Variants in EIF4G3 observed in about 807,000 individuals in gnomAD.
EIF4G3 encodes the protein eIF-4-gamma 3.
Under a neutral mutation model 186.4 loss-of-function variants are expected in EIF4G3, and 34 were observed. The observed-to-expected ratio is 0.18, with a 90% CI of 0.14 to 0.24. The LOEUF (loss-of-function observed/expected upper bound fraction) is 0.24, where lower values mean the gene tolerates loss of function less well. Ranked by LOEUF, EIF4G3 falls within the 10% of genes least tolerant of loss-of-function variation. The pLI, the probability that EIF4G3 is intolerant of heterozygous loss-of-function variation, is 1.00. For missense variants in EIF4G3, 1,536 were observed against 1,948.5 expected, an observed-to-expected ratio of 0.79 and a Z score of 3.99; for synonymous variants, 673 against 679.5, an observed-to-expected ratio of 0.99 and a Z score of 0.15.
intron 10 of EIF4G3, among the ~76,000 whole-genome samples, chr1:20,973,550 C>T (rs1172223327): frequency 3.9e-5 from 6 of 152,172 alleles, no homozygotes; most frequent in African/African-American, 1.4e-4. Flanking sequence ...AATTCTTCTC[C>T]TTACTCATGG....
At chr1:21,122,054 G>A (rs1459173139) in intron 2 of EIF4G3, among the ~76,000 whole-genome samples, 1 of 152,160 alleles carries the variant, frequency 6.6e-6, no homozygotes, top group Non-Finnish European at 1.5e-5. Flanking sequence ...TCACAGCCAA[G>A]ACTGAACCCA....
intron 3 of EIF4G3, among the ~76,000 whole-genome samples, chr1:21,075,756 C>T (rs1425835584): frequency 1.3e-5 from 2 of 151,502 alleles, no homozygotes; most frequent in South Asian, 2.1e-4. Context: ...TGATGATAAA[C>T]GGATCAATTC....
intron 2 of EIF4G3, among the ~76,000 whole-genome samples, chr1:21,099,867 G>A (rs1376758779): frequency 6.6e-6 from 1 of 151,970 alleles, no homozygotes; most frequent in Non-Finnish European, 1.5e-5. Context: ...TTCACTCCTA[G>A]GCACGTATTC....
intron 4 of EIF4G3, among the ~76,000 whole-genome samples, chr1:21,041,989 C>CTT (rs762068508): frequency 4.2e-5 from 6 of 142,068 alleles, no homozygotes; most frequent in African/African-American, 7.7e-5. Flanking sequence ...CTTTTCTTTT[C>CTT]TTTTTTTTTT....
intron 2 of EIF4G3, among the ~76,000 whole-genome samples, chr1:21,092,997 C>G (rs2096252305): frequency 1.3e-5 from 2 of 152,156 alleles, no homozygotes; most frequent in Admixed American, 1.3e-4. Context: ...CATAAAAACC[C>G]TAGAAGAAAA....
At chr1:20,918,433 C>G (rs2094146337) in intron 14 of EIF4G3, among the ~76,000 whole-genome samples, 1 of 152,000 alleles carries the variant, frequency 6.6e-6, no homozygotes, top group Admixed American at 6.6e-5. Context: ...GTCTCGAACT[C>G]CTGGCCTCAA....
At chr1:20,822,831 T>C (rs1373563748) in intron 33 of EIF4G3, among the ~76,000 whole-genome samples, 1 of 152,178 alleles carries the variant, frequency 6.6e-6, no homozygotes, top group Non-Finnish European at 1.5e-5. Context: ...AAAATGTTTT[T>C]TACTATCATG....
intron 10 of EIF4G3, among the ~76,000 whole-genome samples, chr1:20,975,843 T>C (rs913621053): frequency 6.6e-6 from 1 of 151,992 alleles, no homozygotes; most frequent in Non-Finnish European, 1.5e-5. Context: ...TCCACCACTA[T>C]TTATTTTTTT....
chr1:20,895,583 A>G, intron 16 of EIF4G3, 82 bp from the exon 17 acceptor site: 3 of 1,443,374 alleles, frequency 2.1e-6, no homozygotes, highest in Non-Finnish European at 2.9e-6. Context: ...TCGATCAATA[A>G]CAAACTGCAT....
At chr1:20,900,367 G>C (rs2089872584) in intron 15 of EIF4G3, among the ~76,000 whole-genome samples, 1 of 152,170 alleles carries the variant, frequency 6.6e-6, no homozygotes, top group Admixed American at 6.5e-5. Flanking sequence ...GAAATTGACA[G>C]TCTGGAGAAT....
chr1:21,090,552 G>C (rs911939350), intron 2 of EIF4G3, among the ~76,000 whole-genome samples: 1 of 152,178 alleles, frequency 6.6e-6, no homozygotes, highest in Non-Finnish European at 1.5e-5. Context: ...AAACCTTCTT[G>C]ATCAATGGTA....
intron 4 of EIF4G3, among the ~76,000 whole-genome samples, chr1:21,023,260 C>CT (rs2154571065): frequency 8.3e-6 from 1 of 120,232 alleles, no homozygotes; most frequent in South Asian, 4.0e-4. Context: ...CCCCCCCTCC[C>CT]CCTCCCTCTC....
chr1:20,851,161 G>A (rs1012216439), intron 28 of EIF4G3, 97 bp downstream of exon 28: 1 of 1,073,686 alleles, frequency 9.3e-7, no homozygotes, highest in Admixed American at 2.1e-5. Context: ...TTGCTATTAT[G>A]TGTTAATTCT....
chr1:20,942,141 G>A lies in EIF4G3; in HGVS notation c.1013C>T (p.Pro338Leu), dbSNP rs1367265027. The A allele has an allele frequency of 2.5e-6, 4 of 1,613,986 alleles. No individual in the cohort carries two copies. The African/African-American group carries it at 4.0e-5, about 16-fold the overall frequency. The change falls in exon 14 of 37, where the codon CCC becomes CTC. Residue 338 changes from proline to leucine, a missense_variant. Transcript: ENST00000602326. ...TTGGCTACTAAGAGCAGAAGAGGTG[G>A]GGGCTGCAATTGTACTTCGAGCAAC... ...SSVARSTIAA[P>L]TSSALSSQPI...
At chr1:21,026,962 A>G (rs1478595064) in intron 4 of EIF4G3, among the ~76,000 whole-genome samples, 1 of 150,316 alleles carries the variant, frequency 6.7e-6, no homozygotes, top group Non-Finnish European at 1.5e-5. Context: ...AAAAGTTAAT[A>G]TCCTGAATAT....
At chr1:20,908,569 C>A (rs544167154) in intron 14 of EIF4G3, among the ~76,000 whole-genome samples, 1 of 152,032 alleles carries the variant, frequency 6.6e-6, no homozygotes, top group African/African-American at 2.4e-5. Flanking sequence ...TCAAAAAGAG[C>A]GCACCTTACA....
chr1:20,905,395 T>A (rs2091772591), intron 14 of EIF4G3, among the ~76,000 whole-genome samples: 1 of 152,242 alleles, frequency 6.6e-6, no homozygotes, highest in African/African-American at 2.4e-5. Context: ...ATATCTAAAG[T>A]TACTTCAAGC....
intron 34 of EIF4G3, among the ~76,000 whole-genome samples, 177 bp downstream of exon 34, chr1:20,817,215 C>T (rs1199963086): frequency 1.6e-5 from 2 of 128,088 alleles, no homozygotes; most frequent in South Asian, 2.5e-4. Flanking sequence ...TCCCCCTCTG[C>T]GAGAAACACC....
At chr1:20,817,592 G>T in intron 33 of EIF4G3, 54 bp from the exon 34 acceptor site, 1 of 1,175,198 alleles carries the variant, frequency 8.5e-7, no homozygotes, top group Non-Finnish European at 1.1e-6. Flanking sequence ...CTATGTTATT[G>T]TCATCCTGAG....
Sources: gnomAD v4.1 joint callset for allele counts (sites outside exome capture counted in the v4.1 genomes callset) on GRCh38, gnomAD v4.1.1 for gene constraint, MANE v1.5 for transcripts, NCBI Gene and HGNC (gene_info 2026-07-23, HGNC 2026-07-21) for gene names.